Variants in ARID1B observed in about 807,000 individuals in gnomAD.
ARID1B encodes AT-rich interactive domain-containing protein 1B.
A neutral mutation model predicts 212.3 loss-of-function variants in ARID1B; 30 were observed. The ratio of observed to expected loss-of-function variants is 0.14; its 90% CI spans 0.11 to 0.19. The LOEUF (loss-of-function observed/expected upper bound fraction) is 0.19. Among genes scored for constraint, ARID1B ranks in the 10% least tolerant of loss-of-function variants. The probability of loss-of-function intolerance (pLI) is 1.00; values close to 1 mark genes in which losing one functional copy is unlikely to be tolerated. For synonymous variants in ARID1B, 1,402 were observed against 1,301.7 expected, an observed-to-expected ratio of 1.08 and a Z score of -1.66; for missense variants, 2,891 against 3,204.0, an observed-to-expected ratio of 0.90 and a Z score of 2.36.
chr6:156,989,277 A>G (rs557407934), intron 4 of ARID1B, among the ~76,000 whole-genome samples: 201 of 152,252 alleles, frequency 1.3e-3, no homozygotes, highest in Non-Finnish European at 2.2e-3. Context: ...ACAAAATTTC[A>G]CAACTTTGGC....
intron 4 of ARID1B, among the ~76,000 whole-genome samples, chr6:157,017,725 A>C (rs915310362): frequency 6.6e-6 from 1 of 152,202 alleles, no homozygotes; most frequent in Non-Finnish European, 1.5e-5. Context: ...TGAGTAAAGA[A>C]GGCCTCATAT....
intron 1 of ARID1B, among the ~76,000 whole-genome samples, chr6:156,795,768 T>C (rs1392046934): frequency 6.6e-6 from 1 of 152,264 alleles, no homozygotes; most frequent in Admixed American, 6.5e-5. Flanking sequence ...CTTCTCTTCC[T>C]TATTATTACT....
At chr6:157,091,921 C>G in intron 5 of ARID1B, among the ~76,000 whole-genome samples, 1 of 152,092 alleles carries the variant, frequency 6.6e-6, no homozygotes, top group East Asian at 1.9e-4. Flanking sequence ...ATCATCTTAC[C>G]TAATAATCTT....
chr6:156,947,627 G>A (rs1248105497), intron 4 of ARID1B, among the ~76,000 whole-genome samples: 3 of 139,564 alleles, frequency 2.1e-5, no homozygotes, highest in Admixed American at 7.3e-5. Flanking sequence ...AACTCTGAAG[G>A]GCTAATTTAA....
chr6:156,810,965 T>C (rs184287890), intron 1 of ARID1B, among the ~76,000 whole-genome samples: 2 of 152,308 alleles, frequency 1.3e-5, no homozygotes, highest in East Asian at 3.9e-4. Context: ...CATACTCTGC[T>C]TGGGGTCGTA....
chr6:156,856,907 G>A (rs1428395606), intron 2 of ARID1B, among the ~76,000 whole-genome samples: 1 of 152,020 alleles, frequency 6.6e-6, no homozygotes, highest in Non-Finnish European at 1.5e-5. Context: ...GGAGCTTGAC[G>A]TGCTGGCAAT....
At chr6:156,849,071 C>T (rs962717052) in intron 2 of ARID1B, among the ~76,000 whole-genome samples, 1 of 152,126 alleles carries the variant, frequency 6.6e-6, no homozygotes, top group Non-Finnish European at 1.5e-5. Flanking sequence ...TATTAAATGT[C>T]AAAAATTTGG....
chr6:157,047,485 C>T (rs528815813), intron 4 of ARID1B, among the ~76,000 whole-genome samples: 3 of 152,212 alleles, frequency 2.0e-5, no homozygotes, highest in South Asian at 2.1e-4. Context: ...TTGACAGCAT[C>T]GCGGCTGTCC....
chr6:157,004,890 C>CTTTTTTTTTTTTTTTTTTTT (rs1779118895), intron 4 of ARID1B, among the ~76,000 whole-genome samples: 1 of 35,688 alleles, frequency 2.8e-5, no homozygotes, highest in African/African-American at 6.5e-5. Flanking sequence ...TTTTCTTCTT[C>CTTTTTTTTTTTTTTTTTTTT]TTTTTTCTTT....
chr6:157,185,231 T>C (rs992364108), intron 13 of ARID1B: 1 of 152,280 alleles, frequency 6.6e-6, no homozygotes, highest in African/African-American at 2.4e-5. Flanking sequence ...ATAAATGCAA[T>C]AGTAGAGAGG....
intron 4 of ARID1B, among the ~76,000 whole-genome samples, chr6:156,981,640 A>G (rs149659777): frequency 5.6e-4 from 85 of 152,276 alleles, no homozygotes; most frequent in African/African-American, 2.0e-3. Flanking sequence ...CCACTCTTCA[A>G]TGTCCTACCC....
intron 2 of ARID1B, among the ~76,000 whole-genome samples, chr6:156,834,681 A>G (rs1367291039): frequency 6.6e-6 from 1 of 152,180 alleles, no homozygotes; most frequent in Non-Finnish European, 1.5e-5. Context: ...TTCTGTACTG[A>G]GACTTGGAGC....
At chr6:157,050,074 G>T (rs1224517029) in intron 4 of ARID1B, among the ~76,000 whole-genome samples, 11 of 152,096 alleles carry the variant, frequency 7.2e-5, no homozygotes, top group Non-Finnish European at 1.5e-5. Flanking sequence ...CTCAGTTGTG[G>T]GGTGTCTCTC....
chr6:156,833,637 G>T (rs1012033238), intron 2 of ARID1B, among the ~76,000 whole-genome samples: 1 of 152,086 alleles, frequency 6.6e-6, no homozygotes, highest in Non-Finnish European at 1.5e-5. Context: ...GTATTGCGAA[G>T]AACTTTATAG....
chr6:156,996,850 GT>G (rs1048673227), intron 4 of ARID1B, among the ~76,000 whole-genome samples: 1 of 152,094 alleles, frequency 6.6e-6, no homozygotes, highest in Non-Finnish European at 1.5e-5. Context: ...TGAATGTTTT[GT>G]TTTTTAAATC....
chr6:157,006,952 TAC>T (rs563242440), intron 4 of ARID1B, among the ~76,000 whole-genome samples: 4 of 151,592 alleles, frequency 2.6e-5, no homozygotes, highest in Admixed American at 6.6e-5. Flanking sequence ...CACATGTGTG[TAC>T]ACACACACAC....
intron 1 of ARID1B, among the ~76,000 whole-genome samples, chr6:156,815,904 C>G (rs748036007): frequency 3.9e-5 from 6 of 152,114 alleles, no homozygotes; most frequent in African/African-American, 1.4e-4. Flanking sequence ...TCATGTTTTC[C>G]TGTGTTCTGC....
At chr6:157,032,460 T>A (rs943379455) in intron 4 of ARID1B, among the ~76,000 whole-genome samples, 7 of 152,214 alleles carry the variant, frequency 4.6e-5, no homozygotes, top group African/African-American at 1.7e-4. Context: ...GCGGCTTGAT[T>A]GCTGGATAAA....
chr6:157,187,278 G>A (rs9397320), intron 13 of ARID1B, among the ~76,000 whole-genome samples: 21,609 of 152,142 alleles, frequency 0.14, 3,213 homozygotes, highest in African/African-American at 0.38. Context: ...CTCCACATTC[G>A]GTTAATAAGT....
Sources: gnomAD v4.1 joint callset for allele counts (sites outside exome capture counted in the v4.1 genomes callset) on GRCh38, gnomAD v4.1.1 for gene constraint, MANE v1.5 for transcripts, NCBI Gene and HGNC (gene_info 2026-07-23, HGNC 2026-07-21) for gene names.